The following DGKB variants were observed in gnomAD, a reference collection of about 807,000 sequenced individuals.
DGKB encodes the protein 90 kDa diacylglycerol kinase.
DGKB carries 67 observed loss-of-function variants against 114.3 expected under a neutral mutation model. The ratio of observed to expected loss-of-function variants is 0.59; its 90% confidence interval spans 0.48 to 0.72. DGKB has a LOEUF of 0.72. DGKB is among the 30% of genes least tolerant of loss of function. The pLI is 0.00. For synonymous variants in DGKB, 398 were observed against 323.1 expected (o/e 1.23, Z -2.49); for missense variants, 907 against 975.2 (o/e 0.93, Z 0.93).
intron 16 of DGKB, among the ~76,000 whole-genome samples, chr7:14,609,082 C>G (rs1200121368): frequency 2.0e-5 from 3 of 151,918 alleles, no homozygotes; most frequent in African/African-American, 7.3e-5. Context: ...TCATGTTTAA[C>G]CAAAAAACAG....
chr7:14,755,652 T>C (rs1295412563), intron 3 of DGKB, among the ~76,000 whole-genome samples: 3 of 152,148 alleles, frequency 2.0e-5, no homozygotes, highest in African/African-American at 7.2e-5. Context: ...TTTTATAAAT[T>C]GGATGAGGTC....
chr7:14,398,450 A>G (rs1223922615), intron 21 of DGKB, among the ~76,000 whole-genome samples: 1 of 152,054 alleles, frequency 6.6e-6, no homozygotes, highest in Non-Finnish European at 1.5e-5. Context: ...GCACAAATTC[A>G]CATTATGATT....
chr7:14,861,131 C>T (rs1850918459), intron 1 of DGKB, among the ~76,000 whole-genome samples: 1 of 151,794 alleles, frequency 6.6e-6, no homozygotes, highest in Admixed American at 6.6e-5. Context: ...GTAATAAATC[C>T]TAGACCACTG....
chr7:14,498,304 G>C (rs998683590), intron 20 of DGKB, among the ~76,000 whole-genome samples: 1 of 151,712 alleles, frequency 6.6e-6, no homozygotes, highest in South Asian at 2.1e-4. Context: ...ACAAACAAGT[G>C]CTCCATTTTT....
chr7:14,455,102 T>C (rs1044987465), intron 21 of DGKB, among the ~76,000 whole-genome samples: 2 of 152,050 alleles, frequency 1.3e-5, no homozygotes, highest in African/African-American at 4.8e-5. Flanking sequence ...ATATACTTTT[T>C]AATTTTCTAT....
chr7:14,570,924 G>C (rs559364851), intron 20 of DGKB, among the ~76,000 whole-genome samples: 1 of 152,222 alleles, frequency 6.6e-6, no homozygotes, highest in African/African-American at 2.4e-5. Context: ...TTACAACCTC[G>C]ACACTATTGA....
At chr7:14,458,100 C>CTT (rs1832558217) in intron 21 of DGKB, among the ~76,000 whole-genome samples, 1 of 152,070 alleles carries the variant, frequency 6.6e-6, no homozygotes, top group African/African-American at 2.4e-5. Context: ...TCTAAAGATT[C>CTT]TTTCTCTTTC....
At chr7:14,550,235 T>C (rs1479915822) in intron 20 of DGKB, among the ~76,000 whole-genome samples, 4 of 152,122 alleles carry the variant, frequency 2.6e-5, no homozygotes, top group African/African-American at 9.7e-5. Flanking sequence ...TCATTAGAGA[T>C]TAGGTTAATT....
At chr7:14,505,545 C>T (rs932490286) in intron 20 of DGKB, among the ~76,000 whole-genome samples, 1 of 152,170 alleles carries the variant, frequency 6.6e-6, no homozygotes. Flanking sequence ...CACAACTTTG[C>T]TGCCTTGTGA....
intron 7 of DGKB, among the ~76,000 whole-genome samples, chr7:14,698,745 T>C (rs1386986395): frequency 1.3e-5 from 2 of 152,176 alleles, no homozygotes; most frequent in Non-Finnish European, 2.9e-5. Context: ...TTCTGCTCAA[T>C]TATCAACTCT....
chr7:14,471,176 T>C lies in DGKB; in HGVS notation c.1835+6985A>G, dbSNP rs13226039. ...GATAATTTTCCATATATATGGAATA[T>C]ATGTATATATACATATATGTATGGA... On this transcript the variant is annotated intron_variant, in intron 21 of 25. Coordinates refer to ENST00000402815, the MANE Select transcript of DGKB (RefSeq NM_001350709.2). Among the ~76,000 whole-genome samples the C allele has an allele frequency of 8.8e-3, 865 of 98,664 alleles. 31 individuals carry two copies. Among genetic ancestry groups the C allele is most frequent in the South Asian group, 0.013 (36 of 2,832 alleles). 64.7% of individuals were successfully genotyped at this position (98,664 alleles called of 152,430 possible).
chr7:14,814,155 C>T (rs1395597104), intron 2 of DGKB: 1 of 152,088 alleles, frequency 6.6e-6, no homozygotes, highest in Non-Finnish European at 1.5e-5. Context: ...TGGTGAGTGA[C>T]CCAATTCTAT....
intron 2 of DGKB, among the ~76,000 whole-genome samples, chr7:14,764,104 CA>C (rs1249535779): frequency 1.3e-5 from 2 of 151,650 alleles, no homozygotes; most frequent in Admixed American, 6.6e-5. Context: ...CTGTGCTCAG[CA>C]AAAAAGCATT....
intron 14 of DGKB, among the ~76,000 whole-genome samples, chr7:14,627,205 TGC>T (rs1808746760): frequency 6.6e-6 from 1 of 152,202 alleles, no homozygotes; most frequent in South Asian, 2.1e-4. Flanking sequence ...GTACTTTATT[TGC>T]CCACTAAGTC....
intron 2 of DGKB, among the ~76,000 whole-genome samples, chr7:14,807,252 T>G (rs1842889463): frequency 6.6e-6 from 1 of 152,028 alleles, no homozygotes; most frequent in Non-Finnish European, 1.5e-5. Flanking sequence ...TTTCCTCTGT[T>G]TCACCTACTA....
At chr7:14,937,261 A>G (rs1785322389) in intron 1 of DGKB, among the ~76,000 whole-genome samples, 1 of 152,016 alleles carries the variant, frequency 6.6e-6, no homozygotes, top group South Asian at 2.1e-4. Context: ...AAGTGTATTC[A>G]AATTCTGATT....
At chr7:14,345,276 A>G (rs1158333052) in intron 22 of DGKB, 25 bp downstream of exon 22, 1 of 1,348,416 alleles carries the variant, frequency 7.4e-7, no homozygotes, top group Non-Finnish European at 1.0e-6. Flanking sequence ...ATCATATTAC[A>G]AAAGAGAATT....
intron 1 of DGKB, among the ~76,000 whole-genome samples, chr7:14,846,600 A>G (rs1176672851): frequency 6.6e-6 from 1 of 152,206 alleles, no homozygotes; most frequent in African/African-American, 2.4e-5. Flanking sequence ...CCTGCGGTGC[A>G]TTCACAAGTT....
intron 23 of DGKB, among the ~76,000 whole-genome samples, chr7:14,199,225 C>T (rs1243641001): frequency 2.0e-5 from 3 of 151,668 alleles, no homozygotes; most frequent in Non-Finnish European, 4.4e-5. Context: ...AAAATTTCCA[C>T]GAGAATAGCT....
Sources: allele counts gnomAD v4.1 joint callset (sites outside exome capture counted in the v4.1 genomes callset), GRCh38; gene constraint gnomAD v4.1.1; transcripts MANE v1.5; gene names NCBI Gene and HGNC (gene_info 2026-07-23, HGNC 2026-07-21).